The following QKI variants were observed in gnomAD, a reference collection of about 807,000 sequenced individuals.
The protein encoded by QKI is QKI, KH domain containing RNA binding, also known as KH domain-containing RNA-binding protein QKI.
A neutral mutation model predicts 39.0 loss-of-function variants in QKI; 10 were observed. That is an observed-to-expected ratio of 0.26 (90% CI 0.16 to 0.43). QKI has a LOEUF of 0.43. Among genes scored for constraint, QKI ranks in the 20% least tolerant of loss-of-function variants. The probability of loss-of-function intolerance (pLI) is 1.00; values close to 1 mark genes in which losing one functional copy is unlikely to be tolerated. For missense variants in QKI, 218 were observed against 428.0 expected (o/e 0.51, Z 4.33); for synonymous variants, 204 against 155.4 (o/e 1.31, Z -2.33).
intron 4 of QKI, among the ~76,000 whole-genome samples, chr6:163,557,778 C>T (rs1175940170): frequency 6.6e-6 from 1 of 150,814 alleles, no homozygotes; most frequent in East Asian, 1.9e-4. Flanking sequence ...ATCACATGTA[C>T]TTTATATATA....
At chr6:163,477,125 C>T (rs1216495912) in intron 2 of QKI, among the ~76,000 whole-genome samples, 1 of 151,276 alleles carries the variant, frequency 6.6e-6, no homozygotes, top group Non-Finnish European at 1.5e-5. Context: ...AACTGATTCT[C>T]ATGCCTCGGC....
At chr6:163,459,903 G>A (rs907319786) in intron 2 of QKI, among the ~76,000 whole-genome samples, 4 of 152,170 alleles carry the variant, frequency 2.6e-5, no homozygotes, top group African/African-American at 9.7e-5. Flanking sequence ...GGCTGGTCAG[G>A]TTTTCTTGTT....
chr6:163,434,097 T>C (rs1789055802), intron 1 of QKI, among the ~76,000 whole-genome samples: 1 of 152,300 alleles, frequency 6.6e-6, no homozygotes, highest in East Asian at 1.9e-4. Flanking sequence ...TCCAGCTCTT[T>C]GCTGGGTGCT....
Position 163,573,426 on chromosome 6 carries a change from A to G in QKI, c.*2716A>G, listed in dbSNP as rs1277568375. 6 of 152,308 alleles carry G rather than the reference A, an allele frequency of 3.9e-5. No individual in the cohort carries two copies. The highest frequency in any genetic ancestry group is 2.9e-5 in the Non-Finnish European group (2 of 68,022). 9.4% of individuals were successfully genotyped at this position (152,308 alleles called of 1,614,324 possible). A position where few individuals can be genotyped will look rare whatever the true frequency, so the allele number is the denominator to read the frequency against. On this transcript the variant is annotated 3_prime_UTR_variant, in exon 8 of 8. Transcript: ENST00000361752. ...TCATGCTATGTATGTACCATAACCAACCTATTGCCTATGAGAAACATGTAA... is the reference window on the plus strand; with the variant it reads ...TCATGCTATGTATGTACCATAACCAGCCTATTGCCTATGAGAAACATGTAA...
chr6:163,464,169 TTTA>T (rs1791559256), intron 2 of QKI, among the ~76,000 whole-genome samples: 1 of 152,170 alleles, frequency 6.6e-6, no homozygotes, highest in Non-Finnish European at 1.5e-5. Context: ...CTCTTAGTCT[TTTA>T]TTTTTTAGAA....
rs1000795211 is a variant in QKI, at chr6:163,415,484, G to A, written c.142+149G>A. On this transcript the variant is annotated intron_variant, in intron 1 of 7. Transcript: ENST00000361752. ...GAGGCCAGGAGGGCGCACAAAGGAG[G>A]TGCCGGGCCGGGCTTGCGGCGGGCG... 7 of 683,670 alleles carry A rather than the reference G, an allele frequency of 1.0e-5. No homozygotes were observed. In the Admixed American group the frequency reaches 1.9e-4, roughly 19 times the overall value. The allele number at this position is 683,670 out of a possible 1,614,324, so 42.4% of individuals were successfully genotyped here.
intron 4 of QKI, among the ~76,000 whole-genome samples, chr6:163,549,083 G>A (rs1316157797): frequency 2.0e-5 from 3 of 152,146 alleles, no homozygotes; most frequent in South Asian, 2.1e-4. Context: ...CATGGCTGGG[G>A]AGGCCTTAGG....
At chr6:163,425,396 A>G (rs925638776) in intron 1 of QKI, among the ~76,000 whole-genome samples, 1 of 152,252 alleles carries the variant, frequency 6.6e-6, no homozygotes, top group Non-Finnish European at 1.5e-5. Flanking sequence ...AGGCCAGAAT[A>G]CATAGTCTGA....
At chr6:163,498,788 G>A (rs553094809) in intron 3 of QKI, among the ~76,000 whole-genome samples, 59 of 152,158 alleles carry the variant, frequency 3.9e-4, no homozygotes, top group African/African-American at 1.3e-3. Context: ...GACTCTAAGC[G>A]TGCTCATTTT....
chr6:163,461,028 A>G (rs1419218711), intron 2 of QKI, among the ~76,000 whole-genome samples: 1 of 152,214 alleles, frequency 6.6e-6, no homozygotes, highest in African/African-American at 2.4e-5. Context: ...TACATATTAA[A>G]GTTTTAATTT....
At chr6:163,461,356 A>G (rs1791335751) in intron 2 of QKI, among the ~76,000 whole-genome samples, 1 of 152,196 alleles carries the variant, frequency 6.6e-6, no homozygotes, top group Non-Finnish European at 1.5e-5. Flanking sequence ...ATTTCTTTAA[A>G]TAATAAGGCC....
At chr6:163,480,006 C>A (rs868278727) in intron 3 of QKI, among the ~76,000 whole-genome samples, 5 of 152,068 alleles carry the variant, frequency 3.3e-5, no homozygotes, top group South Asian at 2.1e-4. Flanking sequence ...TATATTGTTT[C>A]TGTTTCTGTG....
chr6:163,433,956 TTC>T (rs1338254742), intron 1 of QKI, among the ~76,000 whole-genome samples: 2 of 152,250 alleles, frequency 1.3e-5, no homozygotes, highest in African/African-American at 2.4e-5. Flanking sequence ...TATTTTTCTA[TTC>T]TGTTTCATTT....
chr6:163,492,366 T>TA (rs1345099365), intron 3 of QKI, among the ~76,000 whole-genome samples: 1 of 152,210 alleles, frequency 6.6e-6, no homozygotes, highest in African/African-American at 2.4e-5. Context: ...CGATTTTAAA[T>TA]ACCTATAATT....
chr6:163,548,469 C>A (rs999693774), intron 4 of QKI, among the ~76,000 whole-genome samples: 2 of 152,160 alleles, frequency 1.3e-5, no homozygotes, highest in Admixed American at 6.5e-5. Flanking sequence ...CAATTAATAT[C>A]TATATATGTG....
rs149494839 is a variant in QKI at position 163,569,432 on chromosome 6, C to T, written c.1010-1262C>T. 46 of 1,275,204 alleles carry T rather than the reference C, an allele frequency of 3.6e-5. 1 individual carries two copies. Among genetic ancestry groups the T allele is most frequent in the South Asian group, 8.9e-5 (7 of 78,354 alleles). 79.0% of individuals were successfully genotyped at this position (1,275,204 alleles called of 1,614,324 possible). On this transcript the variant is annotated intron_variant, in intron 7 of 7. Coordinates refer to ENST00000361752, the MANE Select transcript of QKI (RefSeq NM_006775.3). ...TATCTTTTCATTCACATCTCCTCTG[C>T]CTTAGTCACAATGGCAACAGTACAG...
chr6:163,415,427 G>C (rs1787364001), intron 1 of QKI, 92 bp downstream of exon 1: 1 of 1,335,674 alleles, frequency 7.5e-7, no homozygotes, highest in Non-Finnish European at 1.0e-6. Context: ...GGAAGGTCAC[G>C]GCCGGGCGGG....
chr6:163,488,055 C>T (rs770630874), intron 3 of QKI, among the ~76,000 whole-genome samples: 8 of 152,062 alleles, frequency 5.3e-5, no homozygotes, highest in Non-Finnish European at 1.0e-4. Flanking sequence ...TTTCCCTGCC[C>T]CCCGCCTTTG....
chr6:163,550,104 C>G (rs1782132666), intron 4 of QKI, among the ~76,000 whole-genome samples: 1 of 152,136 alleles, frequency 6.6e-6, no homozygotes, highest in Non-Finnish European at 1.5e-5. Context: ...ATAACAATAC[C>G]TGAAACTGGG....
Sources: allele counts gnomAD v4.1 joint callset (sites outside exome capture counted in the v4.1 genomes callset), GRCh38; gene constraint gnomAD v4.1.1; transcripts MANE v1.5; gene names NCBI Gene and HGNC (gene_info 2026-07-23, HGNC 2026-07-21).